Variants in DOCK4 observed in about 807,000 individuals in gnomAD.
DOCK4 encodes dedicator of cytokinesis 4, also known as dedicator of cytokinesis protein 4.
A neutral mutation model predicts 268.1 loss-of-function variants in DOCK4; 97 were observed. The observed-to-expected ratio is 0.36, with a 90% CI of 0.31 to 0.43. The LOEUF is 0.43. DOCK4 is among the 20% of genes least tolerant of loss of function. The probability of loss-of-function intolerance (pLI) is 1.00; values close to 1 mark genes in which losing one functional copy is unlikely to be tolerated. For synonymous variants in DOCK4, 954 were observed against 887.2 expected (o/e 1.08, Z -1.34); for missense variants, 2,145 against 2,455.7 (o/e 0.87, Z 2.67).
intron 30 of DOCK4, among the ~76,000 whole-genome samples, chr7:111,800,378 CAT>C: frequency 6.6e-6 from 1 of 152,286 alleles, no homozygotes; most frequent in Admixed American, 6.5e-5. Flanking sequence ...CACCCAATAA[CAT>C]ATCTCTCCCG....
In DOCK4 at chr7:111,935,559, G is replaced by T; in HGVS notation, c.1047C>A (p.Asn349Lys). 1 of 1,613,366 alleles carries T rather than the reference G, an allele frequency of 6.2e-7. No individual in the cohort carries two copies. Among genetic ancestry groups the T allele is most frequent in the Non-Finnish European group, 8.5e-7 (1 of 1,179,656 alleles). ...NIIKKLNARY[N>K]LTGSNAGLAV... ...ACTCACCTGCATTGGAGCCAGTCAA[G>T]TTATAACGTGCATTCAGCTTTTTGA... The change falls in exon 12 of 53, where the codon AAC (asparagine) becomes AAA (lysine). Residue 349 changes from asparagine to lysine, a missense_variant. By Grantham distance (94) the Asn-to-Lys change is moderately conservative. Coordinates refer to ENST00000428084, the MANE Select transcript of DOCK4 (RefSeq NM_001363540.2).
chr7:111,746,984 C>T (rs1019571290), intron 43 of DOCK4, among the ~76,000 whole-genome samples: 8 of 151,926 alleles, frequency 5.3e-5, no homozygotes, highest in East Asian at 1.9e-4. Flanking sequence ...TTATTTTAGA[C>T]GGATATTTAT....
In DOCK4 at chr7:111,847,586, T is replaced by C. The variant is rs373297274; in HGVS notation, c.2474-460A>G. Among the ~76,000 whole-genome samples the C allele has an allele frequency of 1.3e-4, 20 of 152,288 alleles. 1 individual carries two copies. In the East Asian group the frequency reaches 2.1e-3, roughly 16 times the overall value. Reference sequence around the variant, plus strand: ...GTGGGAGGGACTTGGTGGGAGATAATTGAATCATGGGGGTAGTTCCCCCTA... The same window carrying C: ...GTGGGAGGGACTTGGTGGGAGATAACTGAATCATGGGGGTAGTTCCCCCTA... On this transcript the variant is annotated intron_variant, in intron 23 of 52. Transcript: ENST00000428084.
At chr7:111,827,439 C>T (rs1440621460) in intron 26 of DOCK4, among the ~76,000 whole-genome samples, 1 of 152,110 alleles carries the variant, frequency 6.6e-6, no homozygotes, top group African/African-American at 2.4e-5. Flanking sequence ...ATGGTCTCGA[C>T]TCTCAATGGC....
At chr7:112,119,748 A>G (rs886554030) in intron 1 of DOCK4, among the ~76,000 whole-genome samples, 1 of 152,046 alleles carries the variant, frequency 6.6e-6, no homozygotes, top group African/African-American at 2.4e-5. Flanking sequence ...TAAAATGGGG[A>G]TAATAATGGA....
chr7:111,774,763 C>G (rs1449777428), intron 36 of DOCK4, among the ~76,000 whole-genome samples: 1 of 152,192 alleles, frequency 6.6e-6, no homozygotes, highest in Non-Finnish European at 1.5e-5. Context: ...AACACATACA[C>G]TGACAACAGA....
intron 1 of DOCK4, among the ~76,000 whole-genome samples, chr7:112,127,149 T>G (rs1171833731): frequency 1.3e-5 from 2 of 150,398 alleles, no homozygotes; most frequent in African/African-American, 4.9e-5. Flanking sequence ...AGCAAAGACT[T>G]GGAACCAACC....
At chr7:111,830,166 A>C (rs1048443156) in intron 26 of DOCK4, among the ~76,000 whole-genome samples, 2 of 152,214 alleles carry the variant, frequency 1.3e-5, no homozygotes, top group Admixed American at 1.3e-4. Context: ...TTTAAAATGC[A>C]GATTAAAACA....
chr7:111,939,031 C>A (rs1794985298), intron 11 of DOCK4, among the ~76,000 whole-genome samples: 1 of 149,746 alleles, frequency 6.7e-6, no homozygotes, highest in Non-Finnish European at 1.5e-5. Context: ...AAGCCATGAA[C>A]ACCATGTGAA....
At chr7:112,140,642 A>T (rs1339138250) in intron 1 of DOCK4, among the ~76,000 whole-genome samples, 3 of 151,188 alleles carry the variant, frequency 2.0e-5, no homozygotes, top group Non-Finnish European at 4.4e-5. Context: ...ATAAGAAAAA[A>T]TAATCTTACC....
intron 8 of DOCK4, among the ~76,000 whole-genome samples, chr7:111,952,087 G>A (rs1181771077): frequency 2.0e-5 from 3 of 147,456 alleles, no homozygotes; most frequent in Non-Finnish European, 3.0e-5. Context: ...CAAAGTCCCT[G>A]TCTGCGAAAA....
intron 1 of DOCK4, among the ~76,000 whole-genome samples, chr7:112,069,579 A>ATTCC (rs1807394513): frequency 6.6e-6 from 1 of 152,200 alleles, no homozygotes; most frequent in Non-Finnish European, 1.5e-5. Flanking sequence ...GACTTAATGA[A>ATTCC]ATAACACATA....
chr7:111,784,372 A>C (rs1374816284), intron 32 of DOCK4: 2 of 668,628 alleles, frequency 3.0e-6, no homozygotes, highest in Non-Finnish European at 5.5e-6. Context: ...TCACATAAAA[A>C]TATTTTCCTA....
At chr7:111,893,899 C>T (rs1808497731) in intron 16 of DOCK4, among the ~76,000 whole-genome samples, 1 of 152,152 alleles carries the variant, frequency 6.6e-6, no homozygotes, top group Non-Finnish European at 1.5e-5. Flanking sequence ...AAGAAATAGA[C>T]AATGAAATAT....
intron 37 of DOCK4, 113 bp downstream of exon 37, chr7:111,769,416 G>T: frequency 7.6e-7 from 1 of 1,323,302 alleles, no homozygotes; most frequent in Non-Finnish European, 1.1e-6. Context: ...TATACATTAA[G>T]ATGTGAGGAT....
chr7:111,960,370 AAAAAAAAG>A (rs1796775352), intron 8 of DOCK4, among the ~76,000 whole-genome samples: 1 of 150,602 alleles, frequency 6.6e-6, no homozygotes, highest in South Asian at 2.1e-4. Flanking sequence ...TCTTAAAAAA[AAAAAAAAG>A]AAAAGAAAAA....
At chr7:111,960,341 G>C (rs1258153842) in intron 8 of DOCK4, among the ~76,000 whole-genome samples, 1 of 149,424 alleles carries the variant, frequency 6.7e-6, no homozygotes, top group Non-Finnish European at 1.5e-5. Context: ...TCCAGCCTGG[G>C]CAACAGAGCG....
intron 12 of DOCK4, among the ~76,000 whole-genome samples, chr7:111,928,310 A>C (rs1793900382): frequency 6.6e-6 from 1 of 152,198 alleles, no homozygotes; most frequent in African/African-American, 2.4e-5. Context: ...CTATGCAGCA[A>C]ATCTTGCAAA....
chr7:111,945,483 G>T (rs369397859), intron 9 of DOCK4, among the ~76,000 whole-genome samples: 1 of 152,248 alleles, frequency 6.6e-6, no homozygotes. Flanking sequence ...ACCGTGCCCC[G>T]CAATCACTGT....
Sources: gnomAD v4.1 joint callset for allele counts (sites outside exome capture counted in the v4.1 genomes callset) on GRCh38, gnomAD v4.1.1 for gene constraint, MANE v1.5 for transcripts, NCBI Gene and HGNC (gene_info 2026-07-23, HGNC 2026-07-21) for gene names.